CYP2R1: variants seen among roughly 807,000 people sequenced by gnomAD.
The protein encoded by CYP2R1 is cytochrome P450 family 2 subfamily R member 1, also known as vitamin D 25-hydroxylase.
In CYP2R1, 40 loss-of-function variants were observed where a neutral mutation model predicts 45.7. The observed-to-expected ratio is 0.87, with a 90% CI of 0.68 to 1.14. The LOEUF is 1.14. CYP2R1 is among the 50% of genes most tolerant of loss of function. The pLI is 0.00. For synonymous variants in CYP2R1, 234 were observed against 219.3 expected, an observed-to-expected ratio of 1.07 and a Z score of -0.59; for missense variants, 605 against 602.6, an observed-to-expected ratio of 1.00 and a Z score of -0.04.
At chr11:14,885,223 C>T (rs1304857639) in intron 2 of CYP2R1, among the ~76,000 whole-genome samples, 2 of 152,124 alleles carry the variant, frequency 1.3e-5, no homozygotes, top group African/African-American at 4.8e-5. Context: ...CTGTCTGTTG[C>T]TGCTTTCTTC....
At chr11:14,891,405 A>G (rs1848850311) in intron 1 of CYP2R1, 2 of 985,808 alleles carry the variant, frequency 2.0e-6, no homozygotes, top group African/African-American at 1.7e-5. Context: ...TTAGTCATCA[A>G]TTCATTCACG....
rs782488944 is a variant in CYP2R1, at chr11:14,878,128, T to A, written c.1500A>T (p.Arg500Ser). 5 of 1,612,906 alleles carry A rather than the reference T, an allele frequency of 3.1e-6. No homozygotes were observed. The highest frequency in any genetic ancestry group is 4.2e-6 in the Non-Finnish European group (5 of 1,179,358). The change falls in exon 5 of 5, where the codon AGA (arginine) becomes AGT (serine). Residue 500 changes from arginine to serine, a missense_variant. Arg to Ser is a moderately radical substitution (Grantham distance 110, BLOSUM62 -1). Transcript: ENST00000334636. ...GAAAACATCCCAGGCAGTTTCAGCG[T>A]CTTTCAGCACAGATGAGGTAGGGTT... The part of the protein sequence containing the change: ...QPQPYLICAE[R>S]R
rs1848851509 is a variant in CYP2R1, at chr11:14,891,431, C to T, written c.225+550G>A. ...TTCATTCACGCGTTCACAATCGTTT[C>T]CCAGGGCCCGCTTCTCAGTCAGGGG... On this transcript the variant is annotated intron_variant, in intron 1 of 4. Coordinates refer to ENST00000334636, the MANE Select transcript of CYP2R1 (RefSeq NM_024514.5). 8 of 985,920 alleles carry T rather than the reference C, an allele frequency of 8.1e-6. No homozygotes were observed. In the South Asian group the frequency reaches 3.7e-4, roughly 46 times the overall value. The allele number at this position is 985,920 out of a possible 1,614,324, so 61.1% of individuals were successfully genotyped here.
intron 1 of CYP2R1, chr11:14,890,474 T>TCC: frequency 1.0e-6 from 1 of 978,910 alleles, no homozygotes. Flanking sequence ...CGTAAACTAT[T>TCC]CGTGAACCAT....
At chr11:14,891,666 G>A in intron 1 of CYP2R1, 4 of 1,165,098 alleles carry the variant, frequency 3.4e-6, no homozygotes, top group Non-Finnish European at 4.3e-6. Context: ...AAGTGGCGGC[G>A]CGGCTGGCGA....
At chr11:14,889,364 C>T (rs1313534600) in intron 1 of CYP2R1, among the ~76,000 whole-genome samples, 1 of 152,120 alleles carries the variant, frequency 6.6e-6, no homozygotes, top group Non-Finnish European at 1.5e-5. Flanking sequence ...TGGAAAATAT[C>T]TCTAAGATAA....
intron 1 of CYP2R1, chr11:14,891,191 GGCATTTCCGTGCT>G (rs1427513443): frequency 2.2e-5 from 22 of 985,310 alleles, no homozygotes; most frequent in Non-Finnish European, 2.5e-5. Flanking sequence ...CCAGTCACAG[GGCATTTCCGTGCT>G]GCTTTCCCCT....
At chr11:14,881,155 A>T (rs986324996) in intron 2 of CYP2R1, among the ~76,000 whole-genome samples, 5 of 152,120 alleles carry the variant, frequency 3.3e-5, no homozygotes, top group Admixed American at 3.3e-4. Context: ...ACACCTAAAA[A>T]ATCATCCTTC....
chr11:14,877,603 A>G lies in CYP2R1; in HGVS notation c.*519T>C, dbSNP rs1185893948. Reference sequence around the variant, plus strand: ...TGAAAGCACTGGCAGGCTCTACATTAAATACATATTTCTTCTACCATCTCC... The same window carrying G: ...TGAAAGCACTGGCAGGCTCTACATTGAATACATATTTCTTCTACCATCTCC... On this transcript the variant is annotated 3_prime_UTR_variant, in exon 5 of 5. Transcript: ENST00000334636. 1.3e-5 allele frequency: 2 copies of G among 152,650 alleles called. No homozygotes were observed. Among genetic ancestry groups the G allele is most frequent in the African/African-American group, 4.8e-5 (2 of 41,452 alleles). 9.5% of individuals were successfully genotyped at this position (152,650 alleles called of 1,614,324 possible). A position where few individuals can be genotyped will look rare whatever the true frequency, so the allele number is the denominator to read the frequency against.
intron 2 of CYP2R1, among the ~76,000 whole-genome samples, chr11:14,881,876 AC>A (rs1172753000): frequency 1.3e-5 from 2 of 152,120 alleles, no homozygotes; most frequent in Non-Finnish European, 2.9e-5. Flanking sequence ...TTTATAGGTT[AC>A]CCAGCCTCGG....
At chr11:14,879,711 T>C (rs1555011235) in intron 3 of CYP2R1, among the ~76,000 whole-genome samples, 1 of 152,146 alleles carries the variant, frequency 6.6e-6, no homozygotes, top group African/African-American at 2.4e-5. Context: ...GGGCGTTCTA[T>C]TGAAATATAT....
intron 1 of CYP2R1, 199 bp from the exon 2 acceptor site, chr11:14,886,116 A>C: frequency 1.7e-6 from 1 of 593,438 alleles, no homozygotes; most frequent in Non-Finnish European, 3.0e-6. Context: ...TCATTATGCC[A>C]TTCAGTGCCT....
chr11:14,891,047 C>A (rs1358860441), intron 1 of CYP2R1: 10 of 985,342 alleles, frequency 1.0e-5, no homozygotes, highest in African/African-American at 1.7e-5. Context: ...CCGCTAGCGT[C>A]AGGCCTGTAG....
At chr11:14,885,993 G>A (rs753817846) in intron 1 of CYP2R1, 76 bp from the exon 2 acceptor site, 7 of 1,425,408 alleles carry the variant, frequency 4.9e-6, no homozygotes, top group Non-Finnish European at 5.9e-6. Context: ...TCTACAAGTG[G>A]TAAGTGCGGC....
intron 1 of CYP2R1, among the ~76,000 whole-genome samples, chr11:14,889,903 C>A (rs782522403): frequency 6.6e-6 from 1 of 152,066 alleles, no homozygotes; most frequent in African/African-American, 2.4e-5. Flanking sequence ...CCGAGGCGGG[C>A]AGATCACGAG....
intron 1 of CYP2R1, chr11:14,886,247 G>T: frequency 8.2e-6 from 2 of 244,364 alleles, no homozygotes; most frequent in Admixed American, 5.0e-5. Context: ...AACCTATCTG[G>T]GCTTCAGTAT....
chr11:14,880,440 A>G lies in CYP2R1; in HGVS notation c.696T>C (p.Phe232=). The G allele has an allele frequency of 1.2e-6, 2 of 1,613,430 alleles. No individual in the cohort carries two copies. The highest frequency in any genetic ancestry group is 1.1e-5 in the South Asian group (1 of 91,070). The change falls in exon 3 of 5, where the codon TTT becomes TTC. Residue 232 remains phenylalanine, a synonymous_variant. Coordinates refer to ENST00000334636, the MANE Select transcript of CYP2R1 (RefSeq NM_024514.5). ...CAAAAGGCAGGATGCCAATCCATGG[A>G]AAGGCATTATACAAGAAGACTGAGG... ...ASASVFLYNA[F]PWIGILPFGK... is the part of the protein sequence containing the mutation.
chr11:14,890,988 T>C (rs1473623528), intron 1 of CYP2R1: 2 of 985,336 alleles, frequency 2.0e-6, no homozygotes, highest in African/African-American at 3.5e-5. Flanking sequence ...TAGTTTTCTC[T>C]CTCCCACTCA....
chr11:14,884,893 G>C (rs1470565559), intron 2 of CYP2R1, among the ~76,000 whole-genome samples: 1 of 151,630 alleles, frequency 6.6e-6, no homozygotes, highest in African/African-American at 2.4e-5. Context: ...TATAATTGTG[G>C]CTGCTTCTTT....
Sources: allele counts gnomAD v4.1 joint callset (sites outside exome capture counted in the v4.1 genomes callset), GRCh38; gene constraint gnomAD v4.1.1; transcripts MANE v1.5; gene names NCBI Gene and HGNC (gene_info 2026-07-23, HGNC 2026-07-21).